The following SQOR variants were observed in gnomAD, a reference collection of about 807,000 sequenced individuals.
SQOR encodes sulfide:quinone oxidoreductase, mitochondrial.
In SQOR, 39 loss-of-function variants were observed where a neutral mutation model predicts 48.6. The observed-to-expected ratio is 0.80, with a 90% confidence interval of 0.62 to 1.05. The LOEUF (loss-of-function observed/expected upper bound fraction) is 1.05. Among genes scored for constraint, SQOR ranks in the 50% least tolerant of loss-of-function variants. SQOR has a pLI of 0.00. For synonymous variants in SQOR, 220 were observed against 206.2 expected (o/e 1.07, Z -0.57); for missense variants, 561 against 559.9 (o/e 1.00, Z -0.02).
At chr15:45,684,632 G>A (rs1890189287) in intron 7 of SQOR, among the ~76,000 whole-genome samples, 1 of 151,244 alleles carries the variant, frequency 6.6e-6, no homozygotes, top group African/African-American at 2.4e-5. Context: ...CATTGTAAAA[G>A]TACTCTCTCT....
upstream of SQOR, among the ~76,000 whole-genome samples, chr15:45,633,395 C>T (rs1894932770): frequency 6.6e-6 from 1 of 152,000 alleles, no homozygotes; most frequent in African/African-American, 2.4e-5. Context: ...AGTTATTTGC[C>T]ATTTCAAAAA....
chr15:45,685,958 C>A (rs1289909254), intron 7 of SQOR, among the ~76,000 whole-genome samples: 1 of 137,706 alleles, frequency 7.3e-6, no homozygotes, highest in Admixed American at 7.5e-5. Flanking sequence ...TCCACTTCAA[C>A]CCCCACCCCC....
At chr15:45,658,362 G>C (rs1352986491) in intron 1 of SQOR, among the ~76,000 whole-genome samples, 2 of 152,196 alleles carry the variant, frequency 1.3e-5, no homozygotes, top group African/African-American at 4.8e-5. Context: ...CTGAGGCCTT[G>C]ATTGCCCTGG....
At chr15:45,684,428 A>G (rs1222662095) in intron 7 of SQOR, among the ~76,000 whole-genome samples, 3 of 152,154 alleles carry the variant, frequency 2.0e-5, no homozygotes, top group African/African-American at 7.2e-5. Flanking sequence ...CCCAAAATTT[A>G]GAATTGTCTA....
intron 6 of SQOR, among the ~76,000 whole-genome samples, 200 bp downstream of exon 6, chr15:45,676,510 T>C (rs951806367): frequency 6.6e-6 from 1 of 152,094 alleles, no homozygotes; most frequent in Non-Finnish European, 1.5e-5. Flanking sequence ...GCTGTGTCAG[T>C]GGGAGGTGAG....
chr15:45,651,507 G>A (rs1271045045), intron 1 of SQOR, among the ~76,000 whole-genome samples: 2 of 152,264 alleles, frequency 1.3e-5, no homozygotes, highest in Non-Finnish European at 2.9e-5. Context: ...CGGATGCCAA[G>A]TCCGAGGAGG....
At chr15:45,681,615 C>T (rs959788847) in intron 6 of SQOR, among the ~76,000 whole-genome samples, 3 of 152,060 alleles carry the variant, frequency 2.0e-5, no homozygotes, top group African/African-American at 4.8e-5. Context: ...AATGACATGT[C>T]GTGAACATTT....
intron 5 of SQOR, among the ~76,000 whole-genome samples, chr15:45,675,852 C>T (rs1890026322): frequency 6.6e-6 from 1 of 152,070 alleles, no homozygotes; most frequent in African/African-American, 2.4e-5. Context: ...CTGGACCTAA[C>T]CTTCACCTCT....
At chr15:45,646,283 T>G (rs1895203944) in intron 1 of SQOR, among the ~76,000 whole-genome samples, 1 of 152,230 alleles carries the variant, frequency 6.6e-6, no homozygotes, top group Non-Finnish European at 1.5e-5. Flanking sequence ...GAATTGCTCC[T>G]TCTCTGAATT....
Position 45,688,418 on chromosome 15 carries a change from G to A in SQOR, c.1116+14G>A, listed in dbSNP as rs1890260052. ...CCAACAAAGAAGGTTTGTATGCCTT[G>A]TAAGAATCACTGTCTCAATGATCAT... On this transcript the variant is annotated intron_variant, in intron 8 of 9. Coordinates refer to ENST00000260324, the MANE Select transcript of SQOR (RefSeq NM_021199.4). 3 of 1,566,948 alleles carry A rather than the reference G, an allele frequency of 1.9e-6. No homozygotes were observed. Among genetic ancestry groups the A allele is most frequent in the African/African-American group, 1.4e-5 (1 of 73,202 alleles).
chr15:45,645,829 C>G (rs181843898), intron 1 of SQOR: 1 of 152,334 alleles, frequency 6.6e-6, no homozygotes, highest in Admixed American at 6.5e-5. Context: ...CTCCCTCATT[C>G]CTTTCACCTC....
At chr15:45,632,247 T>A (rs2140932807), upstream of SQOR, among the ~76,000 whole-genome samples, 1 of 137,270 alleles carries the variant, frequency 7.3e-6, no homozygotes, top group South Asian at 2.5e-4. Context: ...TTTGATGGAG[T>A]CTCGCTCTGT....
At chr15:45,669,146 T>TA (rs1327888256) in intron 3 of SQOR, among the ~76,000 whole-genome samples, 2 of 148,248 alleles carry the variant, frequency 1.3e-5, no homozygotes, top group East Asian at 2.0e-4. Context: ...CTAATATATA[T>TA]TTTTTATATA....
intron 3 of SQOR, among the ~76,000 whole-genome samples, chr15:45,663,275 C>G (rs1354010533): frequency 6.6e-6 from 1 of 152,088 alleles, no homozygotes; most frequent in Non-Finnish European, 1.5e-5. Context: ...GCCTCAGCCT[C>G]CCAAAGTGTT....
At chr15:45,632,470 A>G (rs1662694857), upstream of SQOR, among the ~76,000 whole-genome samples, 1 of 151,776 alleles carries the variant, frequency 6.6e-6, no homozygotes, top group South Asian at 2.1e-4. Context: ...TCTGCCTGCC[A>G]CAGCCTCCCA....
chr15:45,651,149 C>A (rs570448249), intron 1 of SQOR, among the ~76,000 whole-genome samples: 2 of 152,318 alleles, frequency 1.3e-5, no homozygotes, highest in South Asian at 4.1e-4. Flanking sequence ...CAAGCCCTGC[C>A]CTGTGGGGAG....
intron 7 of SQOR, 31 bp from the exon 8 acceptor site, chr15:45,688,306 C>T: frequency 6.6e-7 from 1 of 1,518,420 alleles, no homozygotes; most frequent in Non-Finnish European, 9.0e-7. Context: ...TTGATGCTTA[C>T]ATTTTTCTGA....
At chr15:45,679,007 A>G (rs933892912) in intron 6 of SQOR, among the ~76,000 whole-genome samples, 24 of 152,346 alleles carry the variant, frequency 1.6e-4, no homozygotes, top group African/African-American at 5.8e-4. Flanking sequence ...TTTATGAGCA[A>G]AGTGTATGAA....
At chr15:45,688,158 T>C (rs565518981) in intron 7 of SQOR, among the ~76,000 whole-genome samples, 179 bp from the exon 8 acceptor site, 8 of 152,332 alleles carry the variant, frequency 5.3e-5, no homozygotes, top group Non-Finnish European at 1.2e-4. Flanking sequence ...AGGCCTTCCA[T>C]GAATTAAAGA....
Sources: allele counts gnomAD v4.1 joint callset (sites outside exome capture counted in the v4.1 genomes callset), GRCh38; gene constraint gnomAD v4.1.1; transcripts MANE v1.5; gene names NCBI Gene and HGNC (gene_info 2026-07-23, HGNC 2026-07-21).